LTB4R2: variants seen among roughly 807,000 people sequenced by gnomAD.
The protein encoded by LTB4R2 is LTB4 receptor JULF2.
Under a neutral mutation model 5.3 loss-of-function variants are expected in LTB4R2, and 6 were observed. That is an observed-to-expected ratio of 1.14 (90% CI 0.62 to 2.24). The LOEUF (loss-of-function observed/expected upper bound fraction) is 2.24. LTB4R2 is among the 30% of genes most tolerant of loss of function. The pLI is 0.00. For synonymous variants in LTB4R2, 310 were observed against 264.2 expected, an observed-to-expected ratio of 1.17 and a Z score of -1.68; for missense variants, 560 against 521.5, an observed-to-expected ratio of 1.07 and a Z score of -0.72.
At position 24,310,956 on chromosome 14, in the gene LTB4R2, T is replaced by C; in HGVS notation, c.292T>C (p.Tyr98His). 6.3e-7 allele frequency: 1 copy of C among 1,592,060 alleles called. No homozygotes were observed. Among genetic ancestry groups the C allele is most frequent in the Non-Finnish European group, 8.5e-7 (1 of 1,177,134 alleles). The change falls in exon 2 of 2, where the codon TAC (tyrosine) becomes CAC (histidine). Residue 98 changes from tyrosine (Y) to histidine (H), a missense_variant. Physicochemically the swap from Tyr to His is moderately conservative, Grantham distance 83. Transcript: ENST00000533293. ...GGGCCAGGCGGGCTGCAAGGCGGTG[T>C]ACTACGTGTGCGCGCTCAGCATGTA... ...PLGQAGCKAV[Y>H]YVCALSMYAS...
At position 24,310,777 on chromosome 14, in the gene LTB4R2, A is replaced by G; in HGVS notation, c.113A>G (p.Asn38Ser). The change falls in exon 2 of 2, where the codon AAC becomes AGC. Residue 38 changes from asparagine (N) to serine (S), a missense_variant. Physicochemically the swap from Asn to Ser is conservative, Grantham distance 46 (BLOSUM62 1). Coordinates refer to ENST00000533293, the MANE Select transcript of LTB4R2 (RefSeq NM_019839.5). ...GCGGCGCTGCTGGGGCTGCCTGGCA[A>G]CGGCTTCGTGGTGTGGAGCTTGGCG... ...LLAALLGLPG[N>S]GFVVWSLAGW... 6.2e-7 allele frequency: 1 copy of G among 1,606,688 alleles called. No individual in the cohort carries two copies. Among genetic ancestry groups the G allele is most frequent in the South Asian group, 1.1e-5 (1 of 90,990 alleles).
Position 24,311,831 on chromosome 14 carries a change from C to A in LTB4R2, c.*90C>A. 2 of 1,187,206 alleles carry A rather than the reference C, an allele frequency of 1.7e-6. No individual in the cohort carries two copies. Among genetic ancestry groups the A allele is most frequent in the South Asian group, 1.6e-5 (1 of 62,878 alleles). 73.5% of individuals were successfully genotyped at this position (1,187,206 alleles called of 1,614,324 possible). A position where few individuals can be genotyped will look rare whatever the true frequency, so the allele number is the denominator to read the frequency against. On this transcript the variant is annotated 3_prime_UTR_variant, in exon 2 of 2. Coordinates refer to ENST00000533293, the MANE Select transcript of LTB4R2 (RefSeq NM_019839.5). ...TCAGTGTTCTGGGACATTTGGGGAC[C>A]CTTCTTTGACTAGAGTTTGGATCTG... is the stretch of plus-strand genomic sequence containing the variant.
Position 24,310,389 on chromosome 14 carries a change from GACTTTA to G in LTB4R2, c.-11+135_-11+140del. Reference sequence around the variant, plus strand: ...AGAGATAGTGACAGCCTGGGGTGATGACTTTATGCCTGTTTACCACTGAGCTCTGGG... The same window carrying G: ...AGAGATAGTGACAGCCTGGGGTGATGTGCCTGTTTACCACTGAGCTCTGGG... On this transcript the variant is annotated intron_variant, in intron 1 of 1. Coordinates refer to ENST00000533293, the MANE Select transcript of LTB4R2 (RefSeq NM_019839.5). The G allele has an allele frequency of 4.8e-6, 3 of 619,974 alleles. No individual in the cohort carries two copies. The Admixed American group carries it at 8.4e-5, about 17-fold the overall frequency. 38.4% of individuals were successfully genotyped at this position (619,974 alleles called of 1,614,324 possible). A position where few individuals can be genotyped will look rare whatever the true frequency, so the allele number is the denominator to read the frequency against.
At position 24,311,333 on chromosome 14, in the gene LTB4R2, C is replaced by G; in HGVS notation, c.669C>G (p.Gly223=). 1 of 1,602,150 alleles carries G rather than the reference C, an allele frequency of 6.2e-7. No individual in the cohort carries two copies. Among genetic ancestry groups the G allele is most frequent in the Non-Finnish European group, 8.5e-7 (1 of 1,176,426 alleles). ...CCGGGCGGCACGGGGCGCGGGTGGG[C>G]CGGCTGGTGAGCGCCATCGTGCTTG... is the stretch of plus-strand genomic sequence containing the variant. ...WGSGRHGARV[G]RLVSAIVLAF... Residue 223 remains glycine (G), a synonymous_variant, in exon 2 of 2, where the codon GGC becomes GGG. Coordinates refer to ENST00000533293, the MANE Select transcript of LTB4R2 (RefSeq NM_019839.5).
In LTB4R2 at chr14:24,311,010, A is replaced by G. The variant is rs201778907; in HGVS notation, c.346A>G (p.Ser116Gly). 1.6e-4 allele frequency: 252 copies of G among 1,586,120 alleles called. No homozygotes were observed. The African/African-American group carries it at 2.9e-3, about 18-fold the overall frequency. ...YASVLLTGLLSLQRCLAVTRP... is the reference protein window; with the variant it reads ...YASVLLTGLLGLQRCLAVTRP... ...CAGCGTGCTGCTCACCGGCCTGCTC[A>G]GCCTGCAGCGCTGCCTCGCAGTCAC... The change falls in exon 2 of 2, where the codon AGC (serine) becomes GGC (glycine). Residue 116 changes from serine to glycine, a missense_variant. By Grantham distance (56) the Ser-to-Gly change is moderately conservative. Coordinates refer to ENST00000533293, the MANE Select transcript of LTB4R2 (RefSeq NM_019839.5).
chr14:24,310,468 TG>T (rs1566421294), intron 1 of LTB4R2, 186 bp from the exon 2 acceptor site: 1 of 709,184 alleles, frequency 1.4e-6, no homozygotes, highest in Non-Finnish European at 2.6e-6. Context: ...GCAGGGGATC[TG>T]GGTTCCAAGA....
Position 24,310,721 on chromosome 14 carries a change from G to A in LTB4R2, c.57G>A (p.Ser19=), listed in dbSNP as rs892733806. 1.9e-6 allele frequency: 3 copies of A among 1,612,212 alleles called. No individual in the cohort carries two copies. Among genetic ancestry groups the A allele is most frequent in the Non-Finnish European group, 2.5e-6 (3 of 1,179,962 alleles). ...GNETLLSWKT[S]RATGTAFLLL... is the part of the protein sequence containing the mutation. ...AGACACTGCTGAGCTGGAAGACTTCGCGGGCCACAGGCACAGCCTTCCTGC... is the reference window on the plus strand; with the variant it reads ...AGACACTGCTGAGCTGGAAGACTTCACGGGCCACAGGCACAGCCTTCCTGC... The change falls in exon 2 of 2, where the codon TCG becomes TCA. Residue 19 remains serine, a synonymous_variant. Transcript: ENST00000533293.
Position 24,311,915 on chromosome 14 carries a change from A to T in LTB4R2, c.*174A>T. The stretch of plus-strand genomic sequence containing the variant: ...CCAGGCTCCTCCAAACTGAGGGATT[A>T]TGAGGGTGGTGATGGTCCCTGTTAA... On this transcript the variant is annotated 3_prime_UTR_variant, in exon 2 of 2. Transcript: ENST00000533293. 3.2e-6 allele frequency: 2 copies of T among 634,826 alleles called. No homozygotes were observed. Among genetic ancestry groups the T allele is most frequent in the Non-Finnish European group, 2.7e-6 (1 of 365,040 alleles). The allele number at this position is 634,826 out of a possible 1,614,324, so 39.3% of individuals were successfully genotyped here. A position where few individuals can be genotyped will look rare whatever the true frequency, so the allele number is the denominator to read the frequency against.
chr14:24,310,629 CTG>C, intron 1 of LTB4R2, 24 bp from the exon 2 acceptor site: 8 of 1,611,202 alleles, frequency 5.0e-6, no homozygotes, highest in Non-Finnish European at 6.8e-6. Flanking sequence ...TGAACGCCCT[CTG>C]TGGCGCCTTC....
chr14:24,310,809 C>G lies in LTB4R2; in HGVS notation c.145C>G (p.Arg49Gly). 6.3e-7 allele frequency: 1 copy of G among 1,596,686 alleles called. No individual in the cohort carries two copies. The highest frequency in any genetic ancestry group is 1.1e-5 in the South Asian group (1 of 90,898). Residue 49 changes from arginine (R) to glycine (G), a missense_variant, in exon 2 of 2, where the codon CGG becomes GGG. Transcript: ENST00000533293. The stretch of plus-strand genomic sequence containing the variant: ...CGTGGTGTGGAGCTTGGCGGGCTGG[C>G]GGCCTGCACGGGGGCGACCGCTGGC... ...GFVVWSLAGW[R>G]PARGRPLAAT...
In LTB4R2 at chr14:24,311,137, T is replaced by A; in HGVS notation, c.473T>A (p.Val158Asp). Reference sequence around the variant, plus strand: ...CTGTTGCTCGCCGTCCCGGCCGCCGTCTACCGCCACCTGTGGAGGGACCGC... The same window carrying A: ...CTGTTGCTCGCCGTCCCGGCCGCCGACTACCGCCACCTGTGGAGGGACCGC... ...AALLLAVPAA[V>D]YRHLWRDRVC... Residue 158 changes from valine (V) to aspartate (D), a missense_variant, in exon 2 of 2, where the codon GTC becomes GAC. Physicochemically the swap from Val to Asp is radical, Grantham distance 152 (BLOSUM62 -3). Transcript: ENST00000533293. 1 of 1,590,894 alleles carries A rather than the reference T, an allele frequency of 6.3e-7. No homozygotes were observed. The highest frequency in any genetic ancestry group is 1.4e-5 in the African/African-American group (1 of 73,156).
chr14:24,310,837 C>T lies in LTB4R2; in HGVS notation c.173C>T (p.Ala58Val). The T allele has an allele frequency of 3.8e-6, 6 of 1,595,174 alleles. No individual in the cohort carries two copies. Among genetic ancestry groups the T allele is most frequent in the Non-Finnish European group, 5.1e-6 (6 of 1,176,120 alleles). The change falls in exon 2 of 2, where the codon GCC (alanine) becomes GTC (valine). Residue 58 changes from alanine (A) to valine (V), a missense_variant. Coordinates refer to ENST00000533293, the MANE Select transcript of LTB4R2 (RefSeq NM_019839.5). ...CCTGCACGGGGGCGACCGCTGGCGG[C>T]CACGCTTGTGCTGCACCTGGCGCTG... ...WRPARGRPLAATLVLHLALAD... is the reference protein window; with the variant it reads ...WRPARGRPLAVTLVLHLALAD...
Position 24,311,929 on chromosome 14 carries a change from G to A in LTB4R2, c.*188G>A. The A allele has an allele frequency of 1.6e-6, 1 of 610,386 alleles. No individual in the cohort carries two copies. The highest frequency in any genetic ancestry group is 2.4e-5 in the South Asian group (1 of 41,776). The allele number at this position is 610,386 out of a possible 1,614,324, so 37.8% of individuals were successfully genotyped here. A position where few individuals can be genotyped will look rare whatever the true frequency, so the allele number is the denominator to read the frequency against. On this transcript the variant is annotated 3_prime_UTR_variant, in exon 2 of 2. Transcript: ENST00000533293. ...ACTGAGGGATTATGAGGGTGGTGATGGTCCCTGTTAAGGACTATTGTGTGC... is the reference window on the plus strand; with the variant it reads ...ACTGAGGGATTATGAGGGTGGTGATAGTCCCTGTTAAGGACTATTGTGTGC...
In LTB4R2 at chr14:24,311,195, C is replaced by T. The variant is rs1397134294; in HGVS notation, c.531C>T (p.His177=). The change falls in exon 2 of 2, where the codon CAC becomes CAT. Residue 177 remains histidine, a synonymous_variant. Coordinates refer to ENST00000533293, the MANE Select transcript of LTB4R2 (RefSeq NM_019839.5). The stretch of plus-strand genomic sequence containing the variant: ...AGCTGTGCCACCCGTCGCCGGTCCA[C>T]GCCGCCGCCCACCTGAGCCTGGAGA... ...VCQLCHPSPV[H]AAAHLSLETL... 6.2e-7 allele frequency: 1 copy of T among 1,608,204 alleles called. No homozygotes were observed. The highest frequency in any genetic ancestry group is 8.5e-7 in the Non-Finnish European group (1 of 1,177,940).
In LTB4R2 at chr14:24,311,381, C is replaced by T. The variant is rs1454302791; in HGVS notation, c.717C>T (p.Pro239=). 1.6e-5 allele frequency: 26 copies of T among 1,603,126 alleles called. No individual in the cohort carries two copies. The highest frequency in any genetic ancestry group is 2.0e-5 in the Non-Finnish European group (24 of 1,179,660). Reference sequence around the variant, plus strand: ...TTGCCTTCGGCTTGCTCTGGGCCCCCTACCACGCAGTCAACCTTCTGCAGG... The same window carrying T: ...TTGCCTTCGGCTTGCTCTGGGCCCCTTACCACGCAGTCAACCTTCTGCAGG... ...IVLAFGLLWA[P]YHAVNLLQAV... is the part of the protein sequence containing the mutation. The change falls in exon 2 of 2, where the codon CCC becomes CCT. Residue 239 remains proline, a synonymous_variant. Coordinates refer to ENST00000533293, the MANE Select transcript of LTB4R2 (RefSeq NM_019839.5).
Position 24,311,748 on chromosome 14 carries a change from AC to A in LTB4R2, c.*10del. 1.3e-6 allele frequency: 2 copies of A among 1,552,580 alleles called. No homozygotes were observed. Among genetic ancestry groups the A allele is most frequent in the Non-Finnish European group, 1.7e-6 (2 of 1,145,872 alleles). ...TCCGGAATGGGACCTTTGACAGCAG[AC>A]CCTACAACCTGCTGCCCTTCCCTGT... On this transcript the variant is annotated 3_prime_UTR_variant, in exon 2 of 2. Coordinates refer to ENST00000533293, the MANE Select transcript of LTB4R2 (RefSeq NM_019839.5).
In LTB4R2 at chr14:24,311,914, T is replaced by C. The variant is rs182674518; in HGVS notation, c.*173T>C. ...CCCAGGCTCCTCCAAACTGAGGGAT[T>C]ATGAGGGTGGTGATGGTCCCTGTTA... On this transcript the variant is annotated 3_prime_UTR_variant, in exon 2 of 2. Coordinates refer to ENST00000533293, the MANE Select transcript of LTB4R2 (RefSeq NM_019839.5). The C allele has an allele frequency of 7.3e-3, 4,652 of 637,132 alleles. 38 individuals carry two copies. Among genetic ancestry groups the C allele is most frequent in the South Asian group, 0.016 (678 of 43,490 alleles). The allele number at this position is 637,132 out of a possible 1,614,324, so 39.5% of individuals were successfully genotyped here. A position where few individuals can be genotyped will look rare whatever the true frequency, so the allele number is the denominator to read the frequency against.
At position 24,311,724 on chromosome 14, in the gene LTB4R2, C is replaced by T. The variant is rs1398766754; in HGVS notation, c.1060C>T (p.Pro354Ser). 2 of 1,590,724 alleles carry T rather than the reference C, an allele frequency of 1.3e-6. No homozygotes were observed. Among genetic ancestry groups the T allele is most frequent in the South Asian group, 1.1e-5 (1 of 88,736 alleles). Residue 354 changes from proline (P) to serine (S), a missense_variant, in exon 2 of 2, where the codon CCG becomes TCG. Transcript: ENST00000533293. ...GGGGGGTGGGATGGAGAAGGACGGTCCGGAATGGGACCTTTGACAGCAGAC... is the reference window on the plus strand; with the variant it reads ...GGGGGGTGGGATGGAGAAGGACGGTTCGGAATGGGACCTTTGACAGCAGAC... ...DPGGGMEKDG[P>S]EWDL
Position 24,310,794 on chromosome 14 carries a change from AGCTTGGCGGGCTGGCG to A in LTB4R2, c.133_148del (p.Ala46HisfsTer32). On this transcript the variant is annotated frameshift_variant, in exon 2 of 2. Coordinates refer to ENST00000533293, the MANE Select transcript of LTB4R2 (RefSeq NM_019839.5). LOFTEE classifies it low-confidence loss of function (END_TRUNC). Reference sequence around the variant, plus strand: ...GCCTGGCAACGGCTTCGTGGTGTGGAGCTTGGCGGGCTGGCGGCCTGCACGGGGGCGACCGCTGGCG... The same window carrying A: ...GCCTGGCAACGGCTTCGTGGTGTGGAGCCTGCACGGGGGCGACCGCTGGCG... 1 of 1,603,892 alleles carries A rather than the reference AGCTTGGCGGGCTGGCG, an allele frequency of 6.2e-7. No individual in the cohort carries two copies. Among genetic ancestry groups the A allele is most frequent in the Non-Finnish European group, 8.5e-7 (1 of 1,178,218 alleles).
Sources: allele counts gnomAD v4.1 joint callset, GRCh38; gene constraint gnomAD v4.1.1; transcripts MANE v1.5; gene names NCBI Gene and HGNC (gene_info 2026-07-23, HGNC 2026-07-21).